Variants in TNIP3 observed in about 807,000 individuals in gnomAD.
TNIP3 encodes TNFAIP3 interacting protein 3, also known as TNFAIP3-interacting protein 3.
Under a neutral mutation model 54.1 loss-of-function variants are expected in TNIP3, and 34 were observed. That is an observed-to-expected ratio of 0.63 (90% confidence interval 0.48 to 0.84). The LOEUF (loss-of-function observed/expected upper bound fraction) is 0.84. Among genes scored for constraint, TNIP3 ranks in the 40% least tolerant of loss-of-function variants. The pLI is 0.00. For synonymous variants in TNIP3, 134 were observed against 136.8 expected (o/e 0.98, Z 0.14); for missense variants, 366 against 387.6 (o/e 0.94, Z 0.47).
chr4:121,203,479 A>ACAGGGGTG, intron 2 of TNIP3, among the ~76,000 whole-genome samples: 1 of 152,242 alleles, frequency 6.6e-6, no homozygotes, highest in East Asian at 1.9e-4. Context: ...AAAGAATGGG[A>ACAGGGGTG]CAGGGGTGAG....
intron 10 of TNIP3, chr4:121,136,438 T>G (rs2148792863): frequency 6.6e-6 from 1 of 152,316 alleles, no homozygotes; most frequent in Admixed American, 6.5e-5. Context: ...TAAATTTTAT[T>G]AACTGTGTGA....
chr4:121,173,831 A>G (rs1472570990), intron 3 of TNIP3, among the ~76,000 whole-genome samples: 2 of 152,148 alleles, frequency 1.3e-5, no homozygotes, highest in East Asian at 1.9e-4. Flanking sequence ...GAGCTTCACC[A>G]TGTTGGCCAA....
intron 2 of TNIP3, among the ~76,000 whole-genome samples, chr4:121,203,241 A>ATAGATAGT (rs1238169570): frequency 1.3e-5 from 2 of 152,144 alleles, no homozygotes; most frequent in East Asian, 3.9e-4. Flanking sequence ...AGATAGATAG[A>ATAGATAGT]TAGATAGATA....
At chr4:121,186,515 A>T (rs1185883958) in intron 2 of TNIP3, among the ~76,000 whole-genome samples, 1 of 152,202 alleles carries the variant, frequency 6.6e-6, no homozygotes, top group Admixed American at 6.5e-5. Flanking sequence ...TTAGAGTTGA[A>T]CATAACAGTG....
Position 121,164,088 on chromosome 4 carries a change from G to A in TNIP3, c.38C>T (p.Ala13Val). 6.2e-7 allele frequency: 1 copy of A among 1,613,646 alleles called. No individual in the cohort carries two copies. The highest frequency in any genetic ancestry group is 8.5e-7 in the Non-Finnish European group (1 of 1,179,716). Reference sequence around the variant, plus strand: ...TTTATGCTCCGTAGAACTTTCTGCGGCAATCATTCTAGATGTGCCCTGTAC... The same window carrying A: ...TTTATGCTCCGTAGAACTTTCTGCGACAATCATTCTAGATGTGCCCTGTAC... ...HFVQGTSRMI[A>V]AESSTEHKEC... The change falls in exon 1 of 11, where the codon GCC becomes GTC. Residue 13 changes from alanine (A) to valine (V), a missense_variant. Coordinates refer to ENST00000057513, the MANE Select transcript of TNIP3 (RefSeq NM_024873.6).
chr4:121,202,645 C>A (rs1031945904), intron 2 of TNIP3, among the ~76,000 whole-genome samples: 1 of 151,208 alleles, frequency 6.6e-6, no homozygotes, highest in African/African-American at 2.4e-5. Flanking sequence ...AAACAGACAA[C>A]CCAGAGTGGG....
rs369750127 is a variant in TNIP3, at chr4:121,197,365, T to TA, written c.69-14570dup. Among the ~76,000 whole-genome samples the TA allele has an allele frequency of 1.7e-3, 255 of 151,904 alleles. 1 individual carries two copies. Among genetic ancestry groups the TA allele is most frequent in the Admixed American group, 4.3e-3 (66 of 15,258 alleles). The stretch of plus-strand genomic sequence containing the variant: ...CAACATGGTGAAACACCTTCTCTGC[T>TA]AAAAATACAAAAATTAGCTGGGCGT... On this transcript the variant is annotated intron_variant, in intron 2 of 12. Transcript: ENST00000507879.
Position 121,132,467 on chromosome 4 carries a change from G to T in TNIP3, c.*164C>A. On this transcript the variant is annotated 3_prime_UTR_variant, in exon 11 of 11. Transcript: ENST00000057513. ...AATTTGATCAGGATCTTAGCTGTCA[G>T]AAGCCTTTTCCTGTATTCATACCAA... 1 of 584,224 alleles carries T rather than the reference G, an allele frequency of 1.7e-6. No individual in the cohort carries two copies. The highest frequency in any genetic ancestry group is 3.0e-6 in the Non-Finnish European group (1 of 333,822). The allele number at this position is 584,224 out of a possible 1,614,324, so 36.2% of individuals were successfully genotyped here.
intron 2 of TNIP3, among the ~76,000 whole-genome samples, chr4:121,193,824 G>C (rs879138150): frequency 6.6e-6 from 1 of 152,054 alleles, no homozygotes; most frequent in Non-Finnish European, 1.5e-5. Flanking sequence ...TTTCACATCT[G>C]TAATATTCTT....
chr4:121,182,221 T>C lies in TNIP3; in HGVS notation c.189+455A>G, dbSNP rs1023096769. Among the ~76,000 whole-genome samples the C allele has an allele frequency of 7.2e-5, 11 of 152,266 alleles. No individual in the cohort carries two copies. In the East Asian group the frequency reaches 1.4e-3, roughly 19 times the overall value. On this transcript the variant is annotated intron_variant, in intron 3 of 12. Transcript: ENST00000507879. ...CCATAGACAAATACCCTGAAACGAG[T>C]GGAAGTTCAAAGTCAAACAACTCCT...
chr4:121,221,281 T>A (rs529200006), upstream of TNIP3, among the ~76,000 whole-genome samples: 1 of 152,204 alleles, frequency 6.6e-6, no homozygotes, highest in Non-Finnish European at 1.5e-5. Flanking sequence ...AGCCAGTTTG[T>A]ATGTTCAAGA....
chr4:121,146,381 A>G (rs1405649568), intron 7 of TNIP3, among the ~76,000 whole-genome samples: 1 of 152,218 alleles, frequency 6.6e-6, no homozygotes, highest in Non-Finnish European at 1.5e-5. Flanking sequence ...TATTTTACAA[A>G]TAAAAATGGT....
chr4:121,179,825 G>A (rs1724572891), intron 3 of TNIP3, among the ~76,000 whole-genome samples: 1 of 151,946 alleles, frequency 6.6e-6, no homozygotes, highest in Admixed American at 6.6e-5. Context: ...GCCAGGGTGG[G>A]GGAGGGATGA....
chr4:121,185,328 A>C (rs1724957399), intron 2 of TNIP3, among the ~76,000 whole-genome samples: 1 of 152,208 alleles, frequency 6.6e-6, no homozygotes, highest in African/African-American at 2.4e-5. Context: ...CACTTCATTC[A>C]GTGCTGGCTT....
intron 2 of TNIP3, among the ~76,000 whole-genome samples, chr4:121,204,443 A>T (rs1726069336): frequency 6.6e-6 from 1 of 152,130 alleles, no homozygotes; most frequent in Non-Finnish European, 1.5e-5. Flanking sequence ...ATCTTCCTAA[A>T]ATGTATACAA....
intron 10 of TNIP3, among the ~76,000 whole-genome samples, chr4:121,136,359 G>A (rs751234844): frequency 7.2e-5 from 11 of 151,972 alleles, no homozygotes; most frequent in Non-Finnish European, 1.2e-4. Flanking sequence ...CAGTAAGAGG[G>A]GCACTGTACT....
intron 3 of TNIP3, among the ~76,000 whole-genome samples, chr4:121,170,727 G>A (rs1731020363): frequency 6.6e-6 from 1 of 151,996 alleles, no homozygotes. Context: ...GATCTTATAA[G>A]TTAATATATT....
At chr4:121,145,722 CT>C (rs1172652104) in intron 7 of TNIP3, among the ~76,000 whole-genome samples, 1 of 151,218 alleles carries the variant, frequency 6.6e-6, no homozygotes, top group Admixed American at 6.6e-5. Flanking sequence ...TTTAAAATTG[CT>C]TTAAAAAACA....
At chr4:121,160,631 G>A (rs895159225) in intron 2 of TNIP3, among the ~76,000 whole-genome samples, 1 of 152,136 alleles carries the variant, frequency 6.6e-6, no homozygotes, top group African/African-American at 2.4e-5. Context: ...TTAATTCCCA[G>A]GAACATTTTA....
Sources: allele counts gnomAD v4.1 joint callset (sites outside exome capture counted in the v4.1 genomes callset), GRCh38; gene constraint gnomAD v4.1.1; transcripts MANE v1.5; gene names NCBI Gene and HGNC (gene_info 2026-07-23, HGNC 2026-07-21).